Variants in CIMAP1D observed in about 807,000 individuals in gnomAD.
The protein encoded by CIMAP1D is protein CIMAP1D.
chr19:487,162 C>A, the CIMAP1D span, among the ~76,000 whole-genome samples: 1 of 152,144 alleles, frequency 6.6e-6, no homozygotes, highest in Non-Finnish European at 1.5e-5. Flanking sequence ...CCTATTGCAG[C>A]GGCGGCTGGA....
At chr19:472,036 G>T in the CIMAP1D span, among the ~76,000 whole-genome samples, 2 of 152,334 alleles carry the variant, frequency 1.3e-5, no homozygotes, top group South Asian at 2.1e-4. Context: ...GTGAGCCACC[G>T]CACCGGCCTG....
the CIMAP1D span, among the ~76,000 whole-genome samples, chr19:476,509 G>A: frequency 6.6e-6 from 1 of 152,114 alleles, no homozygotes; most frequent in African/African-American, 2.4e-5. Context: ...ATCTTTAACA[G>A]CTTTATTGAT....
chr19:491,446 G>A, the CIMAP1D span, among the ~76,000 whole-genome samples: 1 of 152,162 alleles, frequency 6.6e-6, no homozygotes, highest in Non-Finnish European at 1.5e-5. Flanking sequence ...TAGACCCTCG[G>A]GAGAGGCCTG....
At chr19:463,845 T>C in the CIMAP1D span, 2 of 1,607,214 alleles carry the variant, frequency 1.2e-6, no homozygotes, top group South Asian at 1.1e-5. Flanking sequence ...AGGCCTGGCC[T>C]AGCAGCAGCG....
At chr19:486,726 AAT>A in the CIMAP1D span, among the ~76,000 whole-genome samples, 1 of 151,278 alleles carries the variant, frequency 6.6e-6, no homozygotes, top group East Asian at 2.0e-4. Context: ...CATCCTGGCT[AAT>A]ACAGTGAAAC....
the CIMAP1D span, among the ~76,000 whole-genome samples, chr19:473,176 C>T: frequency 1.0e-5 from 1 of 96,668 alleles, no homozygotes; most frequent in Non-Finnish European, 2.1e-5. Flanking sequence ...GAGGCCTGAG[C>T]CTCCCAGAGA....
the CIMAP1D span, chr19:464,048 G>A: frequency 7.3e-4 from 1,166 of 1,594,080 alleles, 2 homozygotes; most frequent in South Asian, 1.0e-3. Flanking sequence ...CCAGCATGGT[G>A]AAGGCAGGCA....
chr19:469,775 A>C, the CIMAP1D span, among the ~76,000 whole-genome samples: 3 of 152,178 alleles, frequency 2.0e-5, no homozygotes, highest in African/African-American at 7.2e-5. Context: ...TCACGTGACC[A>C]CAGACTCGCC....
At chr19:480,278 C>T in the CIMAP1D span, among the ~76,000 whole-genome samples, 1 of 152,192 alleles carries the variant, frequency 6.6e-6, no homozygotes, top group Non-Finnish European at 1.5e-5. Flanking sequence ...TGCGGCGGGT[C>T]CTGCACGGCC....
the CIMAP1D span, among the ~76,000 whole-genome samples, chr19:489,001 G>C: frequency 6.6e-6 from 1 of 152,074 alleles, no homozygotes; most frequent in East Asian, 1.9e-4. Context: ...CGAACTCGGA[G>C]GACCGCGGGC....
the CIMAP1D span, chr19:490,009 A>C: frequency 2.5e-6 from 1 of 398,578 alleles, no homozygotes; most frequent in Non-Finnish European, 4.4e-6. Context: ...TCCGGCGGCC[A>C]CGATAGAAAG....
At chr19:467,856 C>G in the CIMAP1D span, 3 of 778,004 alleles carry the variant, frequency 3.9e-6, no homozygotes, top group Non-Finnish European at 6.2e-6. Context: ...CCGAGACACT[C>G]CCACCAGGTC....
chr19:472,833 G>A, the CIMAP1D span, among the ~76,000 whole-genome samples: 11 of 149,552 alleles, frequency 7.4e-5, no homozygotes, highest in African/African-American at 2.7e-4. Context: ...GTCACAGATG[G>A]GGAGACTGAG....
chr19:491,253 G>A, the CIMAP1D span, among the ~76,000 whole-genome samples: 1 of 152,138 alleles, frequency 6.6e-6, no homozygotes, highest in Non-Finnish European at 1.5e-5. Context: ...CTCCAGCCTG[G>A]GCGACAGAGT....
the CIMAP1D span, among the ~76,000 whole-genome samples, chr19:467,379 C>T: frequency 6.6e-6 from 1 of 151,960 alleles, no homozygotes; most frequent in Non-Finnish European, 1.5e-5. Flanking sequence ...CCCCATTCAC[C>T]TCTCACCTCC....
At chr19:485,874 G>A in the CIMAP1D span, among the ~76,000 whole-genome samples, 8 of 152,170 alleles carry the variant, frequency 5.3e-5, no homozygotes, top group East Asian at 1.9e-4. Flanking sequence ...CCCAGCCTCC[G>A]TGATCTGCCA....
chr19:479,419 G>GC, the CIMAP1D span, among the ~76,000 whole-genome samples: 2 of 146,830 alleles, frequency 1.4e-5, no homozygotes, highest in Non-Finnish European at 3.0e-5. Context: ...TTTGGGGGGG[G>GC]GGGGGATGGA....
chr19:477,603 G>A, the CIMAP1D span, among the ~76,000 whole-genome samples: 3 of 147,752 alleles, frequency 2.0e-5, no homozygotes, highest in Admixed American at 6.8e-5. Context: ...AAAAAAAAGA[G>A]AAAAAAAGAA....
At chr19:486,867 T>C in the CIMAP1D span, among the ~76,000 whole-genome samples, 3 of 152,046 alleles carry the variant, frequency 2.0e-5, no homozygotes, top group East Asian at 3.9e-4. Flanking sequence ...TGAGCCGAGA[T>C]TGTGCCAGTG....
Sources: gnomAD v4.1 joint callset for allele counts (sites outside exome capture counted in the v4.1 genomes callset) on GRCh38, gnomAD v4.1.1 for gene constraint, MANE v1.5 for transcripts, NCBI Gene and HGNC (gene_info 2026-07-23, HGNC 2026-07-21) for gene names.